Variants in AOPEP observed in about 807,000 individuals in gnomAD.
The protein encoded by AOPEP is aminopeptidase O.
AOPEP carries 77 observed loss-of-function variants against 98.1 expected under a neutral mutation model. The observed-to-expected ratio is 0.78, with a 90% confidence interval of 0.65 to 0.95. The LOEUF (loss-of-function observed/expected upper bound fraction) is 0.95. AOPEP is among the 40% of genes least tolerant of loss of function. AOPEP has a pLI of 0.00. For synonymous variants in AOPEP, 346 were observed against 365.3 expected, an observed-to-expected ratio of 0.95 and a Z score of 0.60; for missense variants, 1,024 against 1,024.7, an observed-to-expected ratio of 1.00 and a Z score of 0.01.
At chr9:95,147,865 C>T in the AOPEP span, among the ~76,000 whole-genome samples, 149 of 152,302 alleles carry the variant, frequency 9.8e-4, 2 homozygotes, top group African/African-American at 3.5e-3. Context: ...TACTGTATTG[C>T]TTGTACTTGT....
chr9:94,826,257 G>A (rs1001625125), intron 5 of AOPEP, among the ~76,000 whole-genome samples: 3 of 152,198 alleles, frequency 2.0e-5, no homozygotes, highest in Admixed American at 6.5e-5. Context: ...TCCTGGCCAA[G>A]GAGTGCACAG....
chr9:94,794,380 A>G (rs1044384595), intron 4 of AOPEP, among the ~76,000 whole-genome samples: 2 of 152,216 alleles, frequency 1.3e-5, no homozygotes, highest in African/African-American at 4.8e-5. Context: ...GGGTAATGGT[A>G]GAGATGATTA....
the AOPEP span, among the ~76,000 whole-genome samples, chr9:95,147,493 G>A: frequency 1.3e-5 from 2 of 152,142 alleles, no homozygotes; most frequent in African/African-American, 4.8e-5. Flanking sequence ...TCCAGCCTGG[G>A]CAACAAGAGT....
chr9:95,112,121 C>G, the AOPEP span, among the ~76,000 whole-genome samples: 3 of 152,354 alleles, frequency 2.0e-5, no homozygotes, highest in South Asian at 4.1e-4. Flanking sequence ...ATGGGTGCAT[C>G]AATGCCAGAA....
chr9:94,910,143 G>A (rs2051804583), intron 5 of AOPEP, among the ~76,000 whole-genome samples: 1 of 152,178 alleles, frequency 6.6e-6, no homozygotes, highest in Non-Finnish European at 1.5e-5. Flanking sequence ...CTCCCTGGCA[G>A]CCCTCCGTCC....
At chr9:95,050,702 C>G (rs907297050) in intron 13 of AOPEP, among the ~76,000 whole-genome samples, 1 of 152,166 alleles carries the variant, frequency 6.6e-6, no homozygotes, top group Non-Finnish European at 1.5e-5. Flanking sequence ...GTGGCAGAAA[C>G]CACCTGACAA....
chr9:95,126,739 C>T, the AOPEP span: 3 of 719,138 alleles, frequency 4.2e-6, no homozygotes, highest in Non-Finnish European at 7.3e-6. Context: ...ACTGAAAACG[C>T]CCCACATACA....
chr9:94,771,487 A>G (rs1487219711), intron 2 of AOPEP, among the ~76,000 whole-genome samples: 1 of 152,036 alleles, frequency 6.6e-6, no homozygotes, highest in Non-Finnish European at 1.5e-5. Context: ...ATAAGCGTAC[A>G]GCAACTGCCT....
chr9:95,117,025 T>C, the AOPEP span, among the ~76,000 whole-genome samples: 2 of 152,242 alleles, frequency 1.3e-5, no homozygotes, highest in Non-Finnish European at 2.9e-5. Flanking sequence ...GTGGATCTGG[T>C]TGGCACCAGA....
At chr9:95,061,365 A>G (rs1262446862) in intron 14 of AOPEP, among the ~76,000 whole-genome samples, 1 of 152,266 alleles carries the variant, frequency 6.6e-6, no homozygotes, top group African/African-American at 2.4e-5. Context: ...AATACAAAAT[A>G]GTAAATAATG....
chr9:94,888,490 A>G (rs770880139), intron 5 of AOPEP, among the ~76,000 whole-genome samples: 12 of 152,268 alleles, frequency 7.9e-5, no homozygotes, highest in Middle Eastern at 6.8e-3. Context: ...GTAATCCACA[A>G]TTTATTCAGA....
intron 1 of AOPEP, among the ~76,000 whole-genome samples, chr9:94,737,737 G>A (rs1472965385): frequency 6.6e-6 from 1 of 152,152 alleles, no homozygotes; most frequent in East Asian, 1.9e-4. Flanking sequence ...ATGCCAATAA[G>A]CAACAAGATG....
chr9:95,111,375 C>T, the AOPEP span: 1 of 1,597,556 alleles, frequency 6.3e-7, no homozygotes. Flanking sequence ...GTCATGGAAG[C>T]CAAGCCCACA....
chr9:94,848,579 G>T (rs897941401), intron 5 of AOPEP, among the ~76,000 whole-genome samples: 1 of 150,536 alleles, frequency 6.6e-6, no homozygotes, highest in East Asian at 2.0e-4. Flanking sequence ...CCAAGATCAC[G>T]CCACTGCACC....
chr9:95,037,608 A>G (rs1419633985), intron 13 of AOPEP, among the ~76,000 whole-genome samples: 1 of 152,142 alleles, frequency 6.6e-6, no homozygotes, highest in Non-Finnish European at 1.5e-5. Context: ...TTCTGGGCAC[A>G]GTTTCTTATT....
At chr9:94,896,771 A>G (rs1490236725) in intron 5 of AOPEP, among the ~76,000 whole-genome samples, 1 of 152,176 alleles carries the variant, frequency 6.6e-6, no homozygotes, top group African/African-American at 2.4e-5. Context: ...GCCTAAGGAG[A>G]CATGAAGACT....
chr9:94,860,707 G>A (rs2044834657), intron 5 of AOPEP, among the ~76,000 whole-genome samples: 1 of 152,202 alleles, frequency 6.6e-6, no homozygotes, highest in South Asian at 2.1e-4. Context: ...CCGCTGGATG[G>A]ATGGGTGCTC....
At chr9:95,072,128 A>C (rs1271660635) in intron 14 of AOPEP, among the ~76,000 whole-genome samples, 1 of 152,232 alleles carries the variant, frequency 6.6e-6, no homozygotes, top group African/African-American at 2.4e-5. Context: ...TTGGGCACCC[A>C]TTCTAGAGCA....
the AOPEP span, among the ~76,000 whole-genome samples, chr9:95,117,793 A>C: frequency 6.8e-6 from 1 of 146,972 alleles, no homozygotes; most frequent in Non-Finnish European, 1.5e-5. Flanking sequence ...GCGCGATCTC[A>C]GCTCACCGCA....
Sources: gnomAD v4.1 joint callset for allele counts (sites outside exome capture counted in the v4.1 genomes callset) on GRCh38, gnomAD v4.1.1 for gene constraint, MANE v1.5 for transcripts, NCBI Gene and HGNC (gene_info 2026-07-23, HGNC 2026-07-21) for gene names.